The following SGCD variants were observed in gnomAD, a reference collection of about 807,000 sequenced individuals.
The protein encoded by SGCD is delta-sarcoglycan.
Under a neutral mutation model 36.6 loss-of-function variants are expected in SGCD, and 18 were observed. That is an observed-to-expected ratio of 0.49 (90% CI 0.34 to 0.73). SGCD has a LOEUF of 0.73. Among genes scored for constraint, SGCD ranks in the 30% least tolerant of loss-of-function variants. The pLI, the probability that SGCD is intolerant of heterozygous loss-of-function variation, is 0.01. For synonymous variants in SGCD, 133 were observed against 130.6 expected (o/e 1.02, Z -0.12); for missense variants, 387 against 346.7 (o/e 1.12, Z -0.92).
chr5:156,152,688 C>T (rs1287371864), intron 3 of SGCD, among the ~76,000 whole-genome samples: 7 of 151,618 alleles, frequency 4.6e-5, no homozygotes, highest in Non-Finnish European at 7.4e-5. Context: ...TATATTGAAA[C>T]TTCACCTTTT....
intron 3 of SGCD, among the ~76,000 whole-genome samples, chr5:156,351,050 C>T (rs1319512260): frequency 6.6e-6 from 1 of 152,098 alleles, no homozygotes; most frequent in African/African-American, 2.4e-5. Context: ...CTTTGCCAAC[C>T]CTGTGTCATA....
At chr5:156,205,235 C>G (rs1381556045) in intron 3 of SGCD, among the ~76,000 whole-genome samples, 1 of 152,018 alleles carries the variant, frequency 6.6e-6, no homozygotes, top group Non-Finnish European at 1.5e-5. Context: ...ACTCCATGAT[C>G]CTGCATTAAA....
At chr5:156,061,577 A>G (rs528099295) in intron 1 of SGCD, among the ~76,000 whole-genome samples, 1 of 146,496 alleles carries the variant, frequency 6.8e-6, no homozygotes, top group African/African-American at 2.4e-5. Flanking sequence ...TGGACCCCTC[A>G]ATGGAAATAA....
At chr5:156,251,512 A>T (rs572586442) in intron 3 of SGCD, among the ~76,000 whole-genome samples, 1 of 126,966 alleles carries the variant, frequency 7.9e-6, no homozygotes, top group South Asian at 3.0e-4. Context: ...ATTTTATATT[A>T]TTTATACTAC....
intron 1 of SGCD, among the ~76,000 whole-genome samples, chr5:155,944,086 G>A (rs1757390539): frequency 6.6e-6 from 1 of 152,034 alleles, no homozygotes; most frequent in Admixed American, 6.6e-5. Context: ...GCTGTCTCTG[G>A]GCTGAATGTC....
At chr5:156,053,377 G>T (rs1343109247) in intron 1 of SGCD, among the ~76,000 whole-genome samples, 1 of 146,448 alleles carries the variant, frequency 6.8e-6, no homozygotes, top group Non-Finnish European at 1.5e-5. Context: ...AAAAGGCCCA[G>T]GATGAACAGG....
intron 3 of SGCD, among the ~76,000 whole-genome samples, chr5:156,180,849 G>T (rs1365974249): frequency 1.3e-5 from 1 of 76,612 alleles, no homozygotes; most frequent in Non-Finnish European, 2.6e-5. Flanking sequence ...GAAGGCAAAG[G>T]GTAGAACTGC....
exon 2 of SGCD, chr5:156,117,949 G>A (rs1470399532): frequency 6.6e-6 from 1 of 152,168 alleles, no homozygotes. Flanking sequence ...TTCTGGGGAT[G>A]AGGTGATGCT....
the SGCD span, among the ~76,000 whole-genome samples, chr5:155,824,639 C>T: frequency 6.6e-6 from 1 of 152,182 alleles, no homozygotes; most frequent in Non-Finnish European, 1.5e-5. Context: ...AAGGATGATG[C>T]AGCTGAGGCT....
intron 3 of SGCD, among the ~76,000 whole-genome samples, chr5:156,193,964 A>T: frequency 6.6e-6 from 1 of 152,214 alleles, no homozygotes; most frequent in East Asian, 1.9e-4. Flanking sequence ...AAGACCAGAG[A>T]TACTTTCAAT....
chr5:156,582,839 A>C (rs1042087611), intron 4 of SGCD, among the ~76,000 whole-genome samples: 1 of 152,180 alleles, frequency 6.6e-6, no homozygotes, highest in Non-Finnish European at 1.5e-5. Context: ...ACACACACAC[A>C]CAAACACACA....
chr5:156,169,889 A>G (rs1165129453), intron 3 of SGCD, among the ~76,000 whole-genome samples: 1 of 152,184 alleles, frequency 6.6e-6, no homozygotes, highest in Non-Finnish European at 1.5e-5. Context: ...CACACCATAG[A>G]GAGCCTTATA....
At chr5:156,655,749 A>G (rs540661530) in intron 7 of SGCD, among the ~76,000 whole-genome samples, 1 of 152,146 alleles carries the variant, frequency 6.6e-6, no homozygotes, top group Non-Finnish European at 1.5e-5. Context: ...TTGAATTGAA[A>G]TCGTATTTTA....
chr5:156,523,795 T>C (rs571035213), intron 4 of SGCD, among the ~76,000 whole-genome samples: 5 of 151,956 alleles, frequency 3.3e-5, no homozygotes, highest in African/African-American at 1.2e-4. Flanking sequence ...CCAGTCACTA[T>C]TGTGTCATAC....
intron 7 of SGCD, among the ~76,000 whole-genome samples, chr5:156,735,068 C>T (rs913054308): frequency 1.3e-5 from 2 of 152,122 alleles, no homozygotes; most frequent in African/African-American, 4.8e-5. Context: ...AGGCCTGCTG[C>T]AGTTTGCTGG....
intron 1 of SGCD, among the ~76,000 whole-genome samples, chr5:156,077,198 T>G (rs564152387): frequency 1.2e-4 from 18 of 152,294 alleles, no homozygotes; most frequent in African/African-American, 4.3e-4. Flanking sequence ...CTGCCTGAGC[T>G]GGCATCTAAG....
chr5:156,593,186 C>T (rs910531257), intron 5 of SGCD, among the ~76,000 whole-genome samples: 1 of 152,164 alleles, frequency 6.6e-6, no homozygotes. Context: ...ATCATGTTAT[C>T]ACAGAATAAG....
intron 3 of SGCD, among the ~76,000 whole-genome samples, chr5:156,498,347 T>C (rs1443786341): frequency 6.6e-6 from 1 of 152,136 alleles, no homozygotes. Context: ...GAGTGATTTT[T>C]AGTAAATTTG....
At chr5:155,890,493 C>T (rs1282801650) in intron 1 of SGCD, among the ~76,000 whole-genome samples, 1 of 151,968 alleles carries the variant, frequency 6.6e-6, no homozygotes, top group African/African-American at 2.4e-5. Context: ...GAAATAGTCC[C>T]AGCTACTTGG....
Sources: allele counts gnomAD v4.1 joint callset (sites outside exome capture counted in the v4.1 genomes callset), GRCh38; gene constraint gnomAD v4.1.1; transcripts MANE v1.5; gene names NCBI Gene and HGNC (gene_info 2026-07-23, HGNC 2026-07-21).